The following CELSR1 variants were observed in gnomAD, a reference collection of about 807,000 sequenced individuals.
CELSR1 encodes the protein cadherin EGF LAG seven-pass G-type receptor 1.
CELSR1 carries 110 observed loss-of-function variants against 249.1 expected under a neutral mutation model. That is an observed-to-expected ratio of 0.44 (90% CI 0.38 to 0.52). The LOEUF (loss-of-function observed/expected upper bound fraction) is 0.52. Among genes scored for constraint, CELSR1 ranks in the 20% least tolerant of loss-of-function variants. CELSR1 has a pLI of 0.00. For missense variants in CELSR1, 4,109 were observed against 4,296.4 expected, an observed-to-expected ratio of 0.96 and a Z score of 1.22; for synonymous variants, 2,113 against 1,900.0, an observed-to-expected ratio of 1.11 and a Z score of -2.92.
At chr22:46,416,823 T>C (rs956201082) in intron 5 of CELSR1, among the ~76,000 whole-genome samples, 6 of 152,146 alleles carry the variant, frequency 3.9e-5, no homozygotes, top group African/African-American at 1.2e-4. Flanking sequence ...CTCTACGCAG[T>C]GCTGGGAGTT....
In CELSR1 at chr22:46,434,681, T is replaced by C. The variant is rs1466057947; in HGVS notation, c.4523-1200A>G. On this transcript the variant is annotated intron_variant, in intron 4 of 34. Coordinates refer to ENST00000674500, the MANE Select transcript of CELSR1 (RefSeq NM_001378328.1). This position sits in a 1 kb window ranked among gnomAD's most constrained non-coding sequence, Gnocchi z 4.9. ...GTGAACTTCCAGGTGAAGGAGGAGA[T>C]GGCAGAATTCACTCCTGAAAGTCAA... is the stretch of plus-strand genomic sequence containing the variant. 6.6e-6 allele frequency among the ~76,000 whole-genome samples: 1 copy of C among 152,164 alleles called. No homozygotes were observed. Among genetic ancestry groups the C allele is most frequent in the Non-Finnish European group, 1.5e-5 (1 of 68,020 alleles).
chr22:46,535,763 C>A lies in CELSR1; in HGVS notation c.1408G>T (p.Glu470Ter), dbSNP rs1283529331. 6.2e-7 allele frequency: 1 copy of A among 1,612,534 alleles called. No individual in the cohort carries two copies. Among genetic ancestry groups the A allele is most frequent in the Non-Finnish European group, 8.5e-7 (1 of 1,180,020 alleles). Residue 470 changes from glutamate to a stop codon, truncating the protein, a stop_gained, in exon 1 of 35, where the codon GAG becomes TAG. Coordinates refer to ENST00000674500, the MANE Select transcript of CELSR1 (RefSeq NM_001378328.1). LOFTEE classifies it high-confidence loss of function. The part of the protein sequence containing the change: ...SEQNYVVQVP[E>*]DVGLNTAVLR... ...ACAGCCGTGTTGAGCCCCACGTCCT[C>A]GGGCACCTGGACCACGTAGTTCTGC...
intron 2 of CELSR1, among the ~76,000 whole-genome samples, chr22:46,443,082 A>T (rs2079772725): frequency 6.6e-6 from 1 of 151,516 alleles, no homozygotes; most frequent in South Asian, 2.1e-4. Context: ...TGGGGGACAG[A>T]GCGAGACTCC....
At chr22:46,520,551 C>A (rs2080675183) in intron 1 of CELSR1, among the ~76,000 whole-genome samples, 1 of 152,152 alleles carries the variant, frequency 6.6e-6, no homozygotes, top group South Asian at 2.1e-4. Context: ...ATCTCCTCCT[C>A]CCCAGTTCAA....
intron 1 of CELSR1, chr22:46,481,546 G>T: frequency 7.9e-7 from 1 of 1,264,158 alleles, no homozygotes; most frequent in Non-Finnish European, 1.1e-6. Flanking sequence ...GGTGATCAAA[G>T]CCTGGGCTTA....
chr22:46,400,717 C>A (rs1463808915), intron 9 of CELSR1, among the ~76,000 whole-genome samples: 1 of 152,094 alleles, frequency 6.6e-6, no homozygotes, highest in Admixed American at 6.5e-5. Flanking sequence ...TTTGGGAAGC[C>A]AAGGCGGGTG....
rs748018757 is a variant in CELSR1, at chr22:46,402,045, G to A, written c.5227-2143C>T. ...GGAGGTAGCAGTGAACCGAGATCAC[G>A]CCACCGCACTCCAGCCTGGGCGATG... On this transcript the variant is annotated intron_variant, in intron 9 of 34. Coordinates refer to ENST00000674500, the MANE Select transcript of CELSR1 (RefSeq NM_001378328.1). The surrounding 1 kb of genome is among the most constrained non-coding windows in gnomAD (Gnocchi z 5.0). Among the ~76,000 whole-genome samples the A allele has an allele frequency of 2.6e-4, 40 of 152,114 alleles. No homozygotes were observed. The highest frequency in any genetic ancestry group is 5.1e-4 in the Non-Finnish European group (35 of 67,996).
chr22:46,511,621 G>A (rs1347334727), intron 1 of CELSR1, among the ~76,000 whole-genome samples: 2 of 152,212 alleles, frequency 1.3e-5, no homozygotes, highest in African/African-American at 4.8e-5. Context: ...GAAGCTCAGG[G>A]CAGTCAGTGG....
At chr22:46,503,659 C>T (rs747409458) in intron 1 of CELSR1, among the ~76,000 whole-genome samples, 4 of 152,202 alleles carry the variant, frequency 2.6e-5, no homozygotes, top group Non-Finnish European at 4.4e-5. Context: ...AAACCGAAAA[C>T]GGGGCCCAAA....
chr22:46,453,282 T>C (rs1269401448), intron 2 of CELSR1, among the ~76,000 whole-genome samples: 1 of 152,106 alleles, frequency 6.6e-6, no homozygotes, highest in East Asian at 1.9e-4. Context: ...ATGCCCGGGC[T>C]CAGCTGGAAT....
chr22:46,432,144 G>A (rs1410027163), intron 5 of CELSR1, among the ~76,000 whole-genome samples: 2 of 152,182 alleles, frequency 1.3e-5, no homozygotes, highest in Non-Finnish European at 2.9e-5. Flanking sequence ...ACCACTACTT[G>A]GAGTCTGTGT....
At chr22:46,418,745 A>C (rs1301189748) in intron 5 of CELSR1, among the ~76,000 whole-genome samples, 1 of 152,254 alleles carries the variant, frequency 6.6e-6, no homozygotes, top group Non-Finnish European at 1.5e-5. Context: ...GGAGCATTAG[A>C]AAAGTTTTCA....
At chr22:46,457,352 G>A (rs1040537042) in intron 2 of CELSR1, among the ~76,000 whole-genome samples, 3 of 151,878 alleles carry the variant, frequency 2.0e-5, no homozygotes, top group Non-Finnish European at 4.4e-5. Flanking sequence ...TCGGGGGCGG[G>A]GAAAAAGATT....
In CELSR1 at chr22:46,508,408, G is replaced by A. The variant is rs981823323; in HGVS notation, c.3544+25219C>T. Among the ~76,000 whole-genome samples the A allele has an allele frequency of 9.2e-5, 14 of 151,534 alleles. No homozygotes were observed. In the South Asian group the frequency reaches 1.0e-3, roughly 11 times the overall value. On this transcript the variant is annotated intron_variant, in intron 1 of 34. Transcript: ENST00000674500. ...CTGCTTCCCCCTGACCGTCCCCTGC[G>A]TGGTGGTCATCCCCACCCTGTGGCC...
At position 46,384,544 on chromosome 22, in the gene CELSR1, T is replaced by A. The variant is rs1422010085; in HGVS notation, c.6882A>T (p.Lys2294Asn). 6.2e-7 allele frequency: 1 copy of A among 1,601,002 alleles called. No homozygotes were observed. The highest frequency in any genetic ancestry group is 1.1e-5 in the South Asian group (1 of 88,838). ...CAGCAGGTTTCTAAGCGGTTTTACC[T>A]TTTTCTTCAGGTGGTCTGAAGAAGT... ...PADFFRPPEE[K>N]EGPLLRPAGR... Residue 2294 changes from lysine (K) to asparagine (N), a missense_variant and splice_region_variant, in exon 20 of 35, where the codon AAA (lysine) becomes AAT (asparagine). By Grantham distance (94) the Lys-to-Asn change is moderately conservative (BLOSUM62 0). Coordinates refer to ENST00000674500, the MANE Select transcript of CELSR1 (RefSeq NM_001378328.1).
intron 1 of CELSR1, among the ~76,000 whole-genome samples, chr22:46,525,209 G>A (rs1022368443): frequency 2.0e-5 from 3 of 152,228 alleles, no homozygotes; most frequent in African/African-American, 7.2e-5. Flanking sequence ...AACACTTTGG[G>A]AGGCCGAAGC....
chr22:46,418,377 T>G (rs535180730), intron 5 of CELSR1, among the ~76,000 whole-genome samples: 35 of 152,114 alleles, frequency 2.3e-4, no homozygotes, highest in African/African-American at 7.5e-4. Flanking sequence ...TCCCAGCTAC[T>G]TGGGTGGCTG....
At chr22:46,369,053 AG>A (rs1233741893) in intron 27 of CELSR1, 125 bp downstream of exon 27, 2 of 793,328 alleles carry the variant, frequency 2.5e-6, no homozygotes, top group Non-Finnish European at 4.1e-6. Context: ...GGGCTCACCC[AG>A]GCTGCCCCCA....
At chr22:46,469,993 A>AGGGGGGAGGAGGAG (rs2080138599) in intron 1 of CELSR1, among the ~76,000 whole-genome samples, 1 of 128,604 alleles carries the variant, frequency 7.8e-6, no homozygotes, top group Non-Finnish European at 1.7e-5. Flanking sequence ...GAGGGGAGGG[A>AGGGGGGAGGAGGAG]GGGAGGGAGA....
Sources: allele counts gnomAD v4.1 joint callset (sites outside exome capture counted in the v4.1 genomes callset), GRCh38; gene constraint gnomAD v4.1.1; non-coding constraint Gnocchi (gnomAD v3.1); transcripts MANE v1.5; gene names NCBI Gene and HGNC (gene_info 2026-07-23, HGNC 2026-07-21).